CACNA2D3: variants seen among roughly 807,000 people sequenced by gnomAD.
The protein encoded by CACNA2D3 is calcium voltage-gated channel auxiliary subunit alpha2delta 3.
Under a neutral mutation model 160.6 loss-of-function variants are expected in CACNA2D3, and 60 were observed. The observed-to-expected ratio is 0.37, with a 90% CI of 0.30 to 0.46. CACNA2D3 has a LOEUF of 0.46. Ranked by LOEUF, CACNA2D3 falls within the 20% of genes least tolerant of loss-of-function variation. The pLI is 1.00. For missense variants in CACNA2D3, 1,205 were observed against 1,365.0 expected, an observed-to-expected ratio of 0.88 and a Z score of 1.85; for synonymous variants, 558 against 492.9, an observed-to-expected ratio of 1.13 and a Z score of -1.75.
chr3:54,463,458 A>G (rs1036234460), intron 4 of CACNA2D3, among the ~76,000 whole-genome samples: 1 of 152,104 alleles, frequency 6.6e-6, no homozygotes, highest in Non-Finnish European at 1.5e-5. Flanking sequence ...TATTTCTTGG[A>G]GGCTTTGTTC....
chr3:54,298,804 T>A (rs894607679), intron 2 of CACNA2D3, among the ~76,000 whole-genome samples: 5 of 151,480 alleles, frequency 3.3e-5, no homozygotes, highest in African/African-American at 4.8e-5. Flanking sequence ...GGAGGCCAGG[T>A]GGCTCCAGAA....
At chr3:54,733,850 T>A (rs1348934061) in intron 11 of CACNA2D3, among the ~76,000 whole-genome samples, 1 of 152,210 alleles carries the variant, frequency 6.6e-6, no homozygotes, top group Non-Finnish European at 1.5e-5. Context: ...TAAAGGAAGA[T>A]GATGTCGATT....
chr3:54,204,105 G>C (rs1254029234), intron 2 of CACNA2D3, among the ~76,000 whole-genome samples: 3 of 151,542 alleles, frequency 2.0e-5, no homozygotes, highest in Non-Finnish European at 4.4e-5. Flanking sequence ...CATTTTCTTT[G>C]GCCCTTGGAT....
At chr3:54,562,174 C>T (rs1416569884) in intron 5 of CACNA2D3, among the ~76,000 whole-genome samples, 1 of 152,154 alleles carries the variant, frequency 6.6e-6, no homozygotes, top group East Asian at 1.9e-4. Flanking sequence ...CTCTGTTCCT[C>T]TACAAGAGTT....
intron 10 of CACNA2D3, among the ~76,000 whole-genome samples, chr3:54,640,319 T>C (rs1251794229): frequency 6.6e-6 from 1 of 152,198 alleles, no homozygotes; most frequent in Non-Finnish European, 1.5e-5. Flanking sequence ...CTTTGCAGAT[T>C]TTAATAGAGA....
At chr3:55,053,503 G>T (rs184010394) in intron 35 of CACNA2D3, among the ~76,000 whole-genome samples, 1 of 151,976 alleles carries the variant, frequency 6.6e-6, no homozygotes, top group Admixed American at 6.5e-5. Flanking sequence ...GTAGTATATA[G>T]TTCCTGCACA....
At chr3:54,405,517 A>G (rs1157284331) in intron 4 of CACNA2D3, among the ~76,000 whole-genome samples, 2 of 152,074 alleles carry the variant, frequency 1.3e-5, no homozygotes, top group Non-Finnish European at 2.9e-5. Flanking sequence ...CTGGATTTCC[A>G]TGTGCAAAAG....
At chr3:54,712,861 T>C (rs965124803) in intron 11 of CACNA2D3, among the ~76,000 whole-genome samples, 3 of 152,200 alleles carry the variant, frequency 2.0e-5, no homozygotes, top group Non-Finnish European at 4.4e-5. Flanking sequence ...TGTGGTTGCA[T>C]TGGTCCCATG....
At chr3:54,404,712 G>C (rs1487338105) in intron 4 of CACNA2D3, among the ~76,000 whole-genome samples, 2 of 152,108 alleles carry the variant, frequency 1.3e-5, no homozygotes, top group Non-Finnish European at 2.9e-5. Flanking sequence ...CAGATGACAT[G>C]ATCCTTTATG....
intron 2 of CACNA2D3, among the ~76,000 whole-genome samples, chr3:54,276,574 A>G (rs1450176300): frequency 1.9e-5 from 2 of 102,786 alleles, no homozygotes; most frequent in Non-Finnish European, 4.4e-5. Flanking sequence ...CTCTGTCTCA[A>G]AAAAAAAAAA....
chr3:54,980,254 A>T (rs1702478018), intron 29 of CACNA2D3, among the ~76,000 whole-genome samples: 2 of 152,290 alleles, frequency 1.3e-5, no homozygotes, highest in South Asian at 2.1e-4. Context: ...AACCCTTTAC[A>T]TTTTTTTGTG....
At chr3:54,768,115 G>T (rs952082219) in intron 13 of CACNA2D3, among the ~76,000 whole-genome samples, 3 of 152,122 alleles carry the variant, frequency 2.0e-5, no homozygotes, top group Non-Finnish European at 4.4e-5. Flanking sequence ...GATGAGCAGG[G>T]TATTTTTATG....
intron 27 of CACNA2D3, among the ~76,000 whole-genome samples, chr3:54,911,331 T>C (rs1575365484): frequency 4.3e-5 from 5 of 116,350 alleles, no homozygotes; most frequent in Admixed American, 9.7e-5. Context: ...CTTCTCCTCC[T>C]CCCCCTCCTT....
At chr3:54,287,232 G>C (rs917459436) in intron 2 of CACNA2D3, among the ~76,000 whole-genome samples, 1 of 152,072 alleles carries the variant, frequency 6.6e-6, no homozygotes, top group Non-Finnish European at 1.5e-5. Flanking sequence ...GACGGAGGAA[G>C]ATATACCAAG....
chr3:54,831,419 G>C (rs1015997372), intron 14 of CACNA2D3, among the ~76,000 whole-genome samples: 46 of 152,344 alleles, frequency 3.0e-4, no homozygotes, highest in African/African-American at 1.1e-3. Context: ...CCTCTGAATA[G>C]AGTTATGAAG....
At chr3:54,829,635 C>T (rs912554640) in intron 14 of CACNA2D3, among the ~76,000 whole-genome samples, 1 of 152,062 alleles carries the variant, frequency 6.6e-6, no homozygotes, top group Non-Finnish European at 1.5e-5. Flanking sequence ...GTGCAAACTG[C>T]AGGACATGGG....
intron 5 of CACNA2D3, among the ~76,000 whole-genome samples, chr3:54,504,999 T>G (rs2106948600): frequency 6.6e-6 from 1 of 152,368 alleles, no homozygotes; most frequent in Admixed American, 6.5e-5. Flanking sequence ...TGAAATGTTC[T>G]AAGTCACTAT....
At chr3:54,208,445 C>CT (rs1701310690) in intron 2 of CACNA2D3, among the ~76,000 whole-genome samples, 1 of 152,178 alleles carries the variant, frequency 6.6e-6, no homozygotes, top group Non-Finnish European at 1.5e-5. Context: ...CTTCAGGTAC[C>CT]TGCCTGATAG....
At chr3:54,352,827 C>A (rs180998342) in intron 3 of CACNA2D3, among the ~76,000 whole-genome samples, 129 of 152,258 alleles carry the variant, frequency 8.5e-4, no homozygotes, top group African/African-American at 3.0e-3. Context: ...TAAGTTCTGA[C>A]CAATAAATTT....
Sources: gnomAD v4.1 joint callset for allele counts (sites outside exome capture counted in the v4.1 genomes callset) on GRCh38, gnomAD v4.1.1 for gene constraint, MANE v1.5 for transcripts, NCBI Gene and HGNC (gene_info 2026-07-23, HGNC 2026-07-21) for gene names.